SOX13: variants seen among roughly 807,000 people sequenced by gnomAD.
SOX13 encodes the protein SRY-box transcription factor 13, also known as transcription factor SOX-13.
Under a neutral mutation model 71.8 loss-of-function variants are expected in SOX13, and 28 were observed. The ratio of observed to expected loss-of-function variants is 0.39; its 90% CI spans 0.29 to 0.53. The LOEUF is 0.53. Ranked by LOEUF, SOX13 falls within the 20% of genes least tolerant of loss-of-function variation. SOX13 has a pLI of 0.70. For synonymous variants in SOX13, 309 were observed against 317.8 expected, an observed-to-expected ratio of 0.97 and a Z score of 0.29; for missense variants, 627 against 810.3, an observed-to-expected ratio of 0.77 and a Z score of 2.75.
Position 204,073,675 on chromosome 1 carries a change from C to T in SOX13, c.-38C>T, listed in dbSNP as rs1408049109. On this transcript the variant is annotated 5_prime_UTR_variant, in exon 1 of 14. Transcript: ENST00000367204. The surrounding 1 kb of genome is among the most constrained non-coding windows in gnomAD (Gnocchi z 6.8). The stretch of plus-strand genomic sequence containing the variant: ...GAGGAGGAGCAGGAGCGCGGAGCCG[C>T]GAGCCCCGAGCCCCGAGCCCGGCGC... 1.3e-5 allele frequency: 2 copies of T among 152,120 alleles called. No individual in the cohort carries two copies. Among genetic ancestry groups the T allele is most frequent in the Non-Finnish European group, 2.9e-5 (2 of 68,076 alleles). 9.4% of individuals were successfully genotyped at this position (152,120 alleles called of 1,614,324 possible).
Position 204,092,638 on chromosome 1 carries a change from A to G in SOX13, c.-2+18927A>G, listed in dbSNP as rs183149515. Among the ~76,000 whole-genome samples the G allele has an allele frequency of 4.5e-3, 682 of 152,264 alleles. 6 individuals carry two copies. Among genetic ancestry groups the G allele is most frequent in the Non-Finnish European group, 6.3e-3 (431 of 68,014 alleles). ...AAGGCTTTGGTAAGTGGGAGCTGAT[A>G]TTAGTGTGATGGCTGCTGTGGAGGT... On this transcript the variant is annotated intron_variant, in intron 1 of 13. Coordinates refer to ENST00000367204, the MANE Select transcript of SOX13 (RefSeq NM_005686.3).
intron 13 of SOX13, 36 bp downstream of exon 13, chr1:204,124,893 T>C (rs1207216258): frequency 2.6e-5 from 37 of 1,432,028 alleles, no homozygotes; most frequent in Non-Finnish European, 3.1e-5. Context: ...CAGGAGACTG[T>C]GTGTACATGT....
intron 2 of SOX13, 70 bp from the exon 3 acceptor site, chr1:204,114,251 G>A: frequency 9.7e-7 from 1 of 1,029,948 alleles, no homozygotes; most frequent in Non-Finnish European, 1.5e-6. Flanking sequence ...CATCTTTGGG[G>A]TGCCCAGCCC....
intron 1 of SOX13, among the ~76,000 whole-genome samples, chr1:204,108,450 G>C (rs1656513817): frequency 6.6e-6 from 1 of 152,222 alleles, no homozygotes; most frequent in South Asian, 2.1e-4. Flanking sequence ...TCCACCATCA[G>C]CTCCAGGGAT....
intron 1 of SOX13, among the ~76,000 whole-genome samples, chr1:204,093,108 T>C (rs994023847): frequency 3.3e-5 from 5 of 152,098 alleles, no homozygotes; most frequent in African/African-American, 1.2e-4. Context: ...TGTATCAGCA[T>C]AGGGACGTGG....
intron 1 of SOX13, chr1:204,074,379 G>C (rs942659852): frequency 1.3e-5 from 2 of 150,338 alleles, no homozygotes; most frequent in Admixed American, 6.6e-5. Context: ...TCCCGCCCTG[G>C]GATATCGTAG....
intron 1 of SOX13, among the ~76,000 whole-genome samples, chr1:204,075,249 C>A (rs942764620): frequency 6.6e-6 from 1 of 152,230 alleles, no homozygotes; most frequent in African/African-American, 2.4e-5. Context: ...GTGGGGCTGT[C>A]TCCCTGCCTA....
At position 204,073,416 on chromosome 1, in the gene SOX13, GA is replaced by G. The variant is rs1655710351; in HGVS notation, c.-296del. ...AGCCCAGGGCAGAGGGCAGAGGGCA[GA>G]GAGCGGCCTGGCTCGGCGGAGAGGG... On this transcript the variant is annotated 5_prime_UTR_variant, in exon 1 of 14. Transcript: ENST00000367204. The surrounding 1 kb of genome is among the most constrained non-coding windows in gnomAD (Gnocchi z 6.8). The G allele has an allele frequency of 6.6e-6, 1 of 152,200 alleles. No individual in the cohort carries two copies. Among genetic ancestry groups the G allele is most frequent in the African/African-American group, 2.4e-5 (1 of 41,454 alleles). 9.4% of individuals were successfully genotyped at this position (152,200 alleles called of 1,614,324 possible). A position where few individuals can be genotyped will look rare whatever the true frequency, so the allele number is the denominator to read the frequency against.
At chr1:204,091,790 A>G (rs1396321990) in intron 1 of SOX13, among the ~76,000 whole-genome samples, 1 of 151,982 alleles carries the variant, frequency 6.6e-6, no homozygotes, top group East Asian at 1.9e-4. Flanking sequence ...ACTATATTGC[A>G]CAGGCTGGTC....
intron 1 of SOX13, among the ~76,000 whole-genome samples, chr1:204,100,708 G>A (rs1244599893): frequency 2.6e-5 from 4 of 152,104 alleles, no homozygotes; most frequent in African/African-American, 7.2e-5. Flanking sequence ...AGAACGGAAC[G>A]CGTTGTTCAC....
chr1:204,084,031 G>A (rs983159016), intron 1 of SOX13, among the ~76,000 whole-genome samples: 3 of 152,194 alleles, frequency 2.0e-5, no homozygotes, highest in Non-Finnish European at 2.9e-5. Context: ...GGGCCTCTAA[G>A]GGCATGTCAG....
chr1:204,098,355 T>C (rs993167963), intron 1 of SOX13, among the ~76,000 whole-genome samples: 1 of 152,022 alleles, frequency 6.6e-6, no homozygotes, highest in Non-Finnish European at 1.5e-5. Context: ...CGCATGCCTG[T>C]AATCCCAGCT....
chr1:204,101,087 T>C (rs1656352099), intron 1 of SOX13, among the ~76,000 whole-genome samples: 1 of 152,206 alleles, frequency 6.6e-6, no homozygotes, highest in East Asian at 1.9e-4. Context: ...CCAAAGTTGT[T>C]TGCTGACTGT....
Position 204,114,413 on chromosome 1 carries a change from C to A in SOX13, c.312C>A (p.Phe104Leu). ...CTGGAAGCCAGGAGAAGCTGGACTT[C>A]AACCGAAATTTGAAAGAAGGTAGGA... The part of the protein sequence containing the change: ...AASGSQEKLD[F>L]NRNLKEVVPA... The change falls in exon 3 of 14, where the codon TTC becomes TTA. Residue 104 changes from phenylalanine (F) to leucine (L), a missense_variant. Transcript: ENST00000367204. 6.2e-7 allele frequency: 1 copy of A among 1,612,988 alleles called. No individual in the cohort carries two copies. Among genetic ancestry groups the A allele is most frequent in the Non-Finnish European group, 8.5e-7 (1 of 1,179,326 alleles).
intron 1 of SOX13, among the ~76,000 whole-genome samples, chr1:204,075,193 T>G (rs918803681): frequency 6.6e-6 from 1 of 152,232 alleles, no homozygotes; most frequent in African/African-American, 2.4e-5. Context: ...GGCGGCGCTC[T>G]CCGTCGAGCC....
intron 13 of SOX13, among the ~76,000 whole-genome samples, chr1:204,125,533 A>G (rs1656902243): frequency 2.0e-5 from 3 of 152,254 alleles, no homozygotes; most frequent in Admixed American, 1.3e-4. Flanking sequence ...ACTGTTCTCC[A>G]GCATGGGTGA....
chr1:204,082,755 T>C (rs144833155), intron 1 of SOX13, among the ~76,000 whole-genome samples: 6 of 152,202 alleles, frequency 3.9e-5, no homozygotes, highest in Admixed American at 1.3e-4. Flanking sequence ...GGTCAGAGAA[T>C]AGAGAAAGGG....
chr1:204,076,386 G>C (rs113528521), intron 1 of SOX13, among the ~76,000 whole-genome samples: 19 of 152,312 alleles, frequency 1.2e-4, no homozygotes, highest in African/African-American at 4.6e-4. Context: ...GAGGAGCCCT[G>C]CTCCCTGGGT....
At chr1:204,119,359 T>G (rs1656756694) in intron 7 of SOX13, 1 of 152,246 alleles carries the variant, frequency 6.6e-6, no homozygotes, top group South Asian at 2.1e-4. Flanking sequence ...CCAGCATATT[T>G]GGTGTCTGGT....
Sources: allele counts gnomAD v4.1 joint callset (sites outside exome capture counted in the v4.1 genomes callset), GRCh38; gene constraint gnomAD v4.1.1; non-coding constraint Gnocchi (gnomAD v3.1); transcripts MANE v1.5; gene names NCBI Gene and HGNC (gene_info 2026-07-23, HGNC 2026-07-21).